The following FHOD3 variants were observed in gnomAD, a reference collection of about 807,000 sequenced individuals.
FHOD3 encodes the protein FH1/FH2 domain-containing protein 3.
FHOD3 carries 90 observed loss-of-function variants against 173.0 expected under a neutral mutation model. The ratio of observed to expected loss-of-function variants is 0.52; its 90% confidence interval spans 0.44 to 0.62. FHOD3 has a LOEUF of 0.62. Among genes scored for constraint, FHOD3 ranks in the 20% least tolerant of loss-of-function variants. FHOD3 has a pLI of 0.00. For missense variants in FHOD3, 1,945 were observed against 2,034.7 expected, an observed-to-expected ratio of 0.96 and a Z score of 0.85; for synonymous variants, 828 against 823.0, an observed-to-expected ratio of 1.01 and a Z score of -0.10.
chr18:36,447,225 A>G (rs929271357), intron 3 of FHOD3, among the ~76,000 whole-genome samples: 1 of 152,166 alleles, frequency 6.6e-6, no homozygotes, highest in Admixed American at 6.5e-5. Flanking sequence ...GCAGTATCTC[A>G]TTCTCCAGGC....
chr18:36,362,913 A>G (rs1291314840), intron 2 of FHOD3, among the ~76,000 whole-genome samples: 2 of 152,264 alleles, frequency 1.3e-5, no homozygotes, highest in African/African-American at 4.8e-5. Flanking sequence ...ATGGAGTACA[A>G]GTATCCAAAA....
intron 3 of FHOD3, among the ~76,000 whole-genome samples, chr18:36,449,140 G>A (rs1011628716): frequency 6.6e-6 from 1 of 152,058 alleles, no homozygotes; most frequent in Admixed American, 6.6e-5. Flanking sequence ...GCACAGCAAG[G>A]ACAGGATGGA....
intron 19 of FHOD3, among the ~76,000 whole-genome samples, chr18:36,724,389 A>G (rs1017848908): frequency 6.6e-6 from 1 of 152,200 alleles, no homozygotes; most frequent in Non-Finnish European, 1.5e-5. Context: ...CTCCCAACCC[A>G]GGTAGCTGCC....
intron 19 of FHOD3, among the ~76,000 whole-genome samples, chr18:36,720,761 TC>T (rs2040734145): frequency 1.3e-5 from 2 of 151,204 alleles, no homozygotes; most frequent in African/African-American, 4.9e-5. Context: ...CTCCTCCTGC[TC>T]CTTCTCCTCC....
At chr18:36,564,490 G>C (rs558712103) in intron 5 of FHOD3, among the ~76,000 whole-genome samples, 1 of 152,150 alleles carries the variant, frequency 6.6e-6, no homozygotes, top group African/African-American at 2.4e-5. Context: ...ACCTGTTTCT[G>C]TACAGGTGGC....
chr18:36,297,949 G>T lies in FHOD3; in HGVS notation c.114G>T (p.Ala38=), dbSNP rs772849525. ...TGTTCACGTTCCGCGAGGACCTCGCGCTCGGCACCCAGCTGGCGGGGGTCC... is the reference window on the plus strand; with the variant it reads ...TGTTCACGTTCCGCGAGGACCTCGCTCTCGGCACCCAGCTGGCGGGGGTCC... ...PPLFTFREDL[A]LGTQLAGVHR... The change falls in exon 1 of 29, where the codon GCG becomes GCT. Residue 38 remains alanine (A), a synonymous_variant. Transcript: ENST00000590592. 1 of 1,566,064 alleles carries T rather than the reference G, an allele frequency of 6.4e-7. No individual in the cohort carries two copies. The highest frequency in any genetic ancestry group is 8.6e-7 in the Non-Finnish European group (1 of 1,157,244).
intron 28 of FHOD3, among the ~76,000 whole-genome samples, chr18:36,775,653 G>T (rs1456711650): frequency 2.0e-5 from 3 of 152,184 alleles, no homozygotes; most frequent in Admixed American, 1.3e-4. Context: ...TCACCTGTGA[G>T]CCCTTTGTGG....
At chr18:36,484,209 G>A (rs891215718) in intron 3 of FHOD3, among the ~76,000 whole-genome samples, 2 of 152,212 alleles carry the variant, frequency 1.3e-5, no homozygotes, top group South Asian at 4.1e-4. Context: ...TAGGCAACCT[G>A]TGCCACTTGT....
In FHOD3 at chr18:36,611,503, G is replaced by A. The variant is rs549847415; in HGVS notation, c.814-449G>A. 7.9e-5 allele frequency among the ~76,000 whole-genome samples: 12 copies of A among 152,278 alleles called. No individual in the cohort carries two copies. In the South Asian group the frequency reaches 1.2e-3, roughly 16 times the overall value. Reference sequence around the variant, plus strand: ...TGAAAGTTGTGGTTGCTCCTGCCTCGAGGCCAGTGGGATAATCTCTTTCCA... The same window carrying A: ...TGAAAGTTGTGGTTGCTCCTGCCTCAAGGCCAGTGGGATAATCTCTTTCCA... On this transcript the variant is annotated intron_variant, in intron 8 of 28. Coordinates refer to ENST00000590592, the MANE Select transcript of FHOD3 (RefSeq NM_001281740.3).
chr18:36,703,547 T>C (rs1465887386), intron 17 of FHOD3, among the ~76,000 whole-genome samples: 1 of 152,290 alleles, frequency 6.6e-6, no homozygotes, highest in South Asian at 2.1e-4. Flanking sequence ...GTAATATGAT[T>C]CCTGGTACAG....
chr18:36,352,239 C>A (rs1326226617), intron 1 of FHOD3, among the ~76,000 whole-genome samples: 2 of 151,372 alleles, frequency 1.3e-5, no homozygotes, highest in Non-Finnish European at 2.9e-5. Context: ...GTGAGACCCC[C>A]CTGCTACAAA....
intron 18 of FHOD3, chr18:36,711,189 T>TA (rs772858161): frequency 9.2e-5 from 14 of 152,330 alleles, no homozygotes; most frequent in South Asian, 4.1e-4. Context: ...TATTGGTTCC[T>TA]AAAAAATCTC....
chr18:36,459,724 G>A (rs995087776), intron 3 of FHOD3, among the ~76,000 whole-genome samples: 5 of 152,082 alleles, frequency 3.3e-5, no homozygotes, highest in African/African-American at 4.8e-5. Flanking sequence ...CAGAAAAATT[G>A]TAAAGATAGT....
rs562469976 is a variant in FHOD3 at position 36,514,362 on chromosome 18, C to G, written c.511+1819C>G. On this transcript the variant is annotated intron_variant, in intron 5 of 28. Transcript: ENST00000590592. ...TCAAAGCTGTTGTGCCATGTTGCAT[C>G]TAATCGCAGCCGTCTGTGTGTCTAA... Among the ~76,000 whole-genome samples, 172 of 152,272 alleles carry G rather than the reference C, an allele frequency of 1.1e-3. 3 individuals carry two copies. Among genetic ancestry groups the G allele is most frequent in the African/African-American group, 3.9e-3 (163 of 41,550 alleles).
At chr18:36,419,742 G>T (rs1353091230) in intron 3 of FHOD3, among the ~76,000 whole-genome samples, 1 of 152,182 alleles carries the variant, frequency 6.6e-6, no homozygotes, top group Non-Finnish European at 1.5e-5. Flanking sequence ...AGACTGGAGG[G>T]ATTCCTTGGG....
intron 3 of FHOD3, among the ~76,000 whole-genome samples, chr18:36,475,363 C>T (rs1011805560): frequency 6.7e-6 from 1 of 148,738 alleles, no homozygotes; most frequent in African/African-American, 2.5e-5. Flanking sequence ...TTTGGCCATC[C>T]TGTGATTCCT....
intron 6 of FHOD3, among the ~76,000 whole-genome samples, chr18:36,591,987 G>A (rs1470263954): frequency 6.6e-6 from 1 of 152,184 alleles, no homozygotes; most frequent in African/African-American, 2.4e-5. Flanking sequence ...GAGAGGCCGA[G>A]GCAGGCAGAT....
intron 3 of FHOD3, among the ~76,000 whole-genome samples, chr18:36,470,434 C>T (rs1199166189): frequency 1.3e-5 from 2 of 152,114 alleles, no homozygotes; most frequent in Non-Finnish European, 2.9e-5. Flanking sequence ...GACAGGAGAG[C>T]TTTGTTGAGA....
intron 1 of FHOD3, among the ~76,000 whole-genome samples, chr18:36,343,831 A>G (rs747411558): frequency 1.3e-5 from 2 of 152,112 alleles, no homozygotes; most frequent in South Asian, 2.1e-4. Context: ...AAAGACAACC[A>G]CGTATTGTAT....
Sources: gnomAD v4.1 joint callset for allele counts (sites outside exome capture counted in the v4.1 genomes callset) on GRCh38, gnomAD v4.1.1 for gene constraint, MANE v1.5 for transcripts, NCBI Gene and HGNC (gene_info 2026-07-23, HGNC 2026-07-21) for gene names.